The following B3GAT2 variants were observed in gnomAD, a reference collection of about 807,000 sequenced individuals.
B3GAT2 encodes galactosylgalactosylxylosylprotein 3-beta-glucuronosyltransferase 2.
B3GAT2 carries 26 observed loss-of-function variants against 27.8 expected under a neutral mutation model. That is an observed-to-expected ratio of 0.93 (90% confidence interval 0.68 to 1.30). The LOEUF is 1.30. B3GAT2 is among the 50% of genes most tolerant of loss of function. The pLI, the probability that B3GAT2 is intolerant of heterozygous loss-of-function variation, is 0.00. For missense variants in B3GAT2, 458 were observed against 459.0 expected, an observed-to-expected ratio of 1.00 and a Z score of 0.02; for synonymous variants, 218 against 195.1, an observed-to-expected ratio of 1.12 and a Z score of -0.98.
chr6:70,911,970 T>C (rs1333736813), intron 1 of B3GAT2, among the ~76,000 whole-genome samples: 1 of 152,222 alleles, frequency 6.6e-6, no homozygotes, highest in Non-Finnish European at 1.5e-5. Flanking sequence ...TGTAAAGGAA[T>C]GCAACTTATT....
At chr6:70,919,406 A>G (rs997394870) in intron 1 of B3GAT2, among the ~76,000 whole-genome samples, 2 of 152,162 alleles carry the variant, frequency 1.3e-5, no homozygotes, top group African/African-American at 4.8e-5. Context: ...ACTTCTGTCA[A>G]CTCATCAAAT....
At position 70,920,224 on chromosome 6, in the gene B3GAT2, C is replaced by T. The variant is rs556377746; in HGVS notation, c.592-25952G>A. Among the ~76,000 whole-genome samples the T allele has an allele frequency of 3.3e-5, 5 of 152,348 alleles. No homozygotes were observed. In the South Asian group the frequency reaches 1.0e-3, roughly 32 times the overall value. On this transcript the variant is annotated intron_variant, in intron 1 of 3. Coordinates refer to ENST00000230053, the MANE Select transcript of B3GAT2 (RefSeq NM_080742.3). ...CAAGGCACCATGAGCGTGGGACCCA[C>T]CGAGCAGGCATGGGAGGGAATCTTC...
At chr6:70,887,941 C>T (rs1039186589) in intron 2 of B3GAT2, among the ~76,000 whole-genome samples, 36 of 152,242 alleles carry the variant, frequency 2.4e-4, no homozygotes, top group African/African-American at 8.7e-4. Context: ...CAGGGGTGGG[C>T]CGGGCAGGGC....
At chr6:70,942,644 A>G (rs1180061452) in intron 1 of B3GAT2, among the ~76,000 whole-genome samples, 2 of 152,166 alleles carry the variant, frequency 1.3e-5, no homozygotes, top group South Asian at 2.1e-4. Context: ...TCAATCTGGG[A>G]GGGCTGAGAT....
chr6:70,888,868 C>T (rs9446305), intron 2 of B3GAT2, among the ~76,000 whole-genome samples: 31,153 of 152,188 alleles, frequency 0.2, 3,386 homozygotes, highest in East Asian at 0.31. Context: ...GATGTCACCT[C>T]TTCCCAAGAC....
chr6:70,868,433 T>G (rs1311536878), intron 2 of B3GAT2, among the ~76,000 whole-genome samples: 7 of 152,198 alleles, frequency 4.6e-5, no homozygotes, highest in African/African-American at 1.2e-4. Flanking sequence ...TCTTCTATTG[T>G]GTAAGTATCA....
rs540239963 is a variant in B3GAT2, at chr6:70,938,102, AC to A, written c.591+17736del. On this transcript the variant is annotated intron_variant, in intron 1 of 3. Transcript: ENST00000230053. ...ACAAAAATCACAAGCATTCTTATACACCAATAACAGACAAACAGAGAGCCAA... is the reference window on the plus strand; with the variant it reads ...ACAAAAATCACAAGCATTCTTATACACAATAACAGACAAACAGAGAGCCAA... 2.0e-3 allele frequency among the ~76,000 whole-genome samples: 301 copies of A among 151,100 alleles called. 1 individual carries two copies. Among genetic ancestry groups the A allele is most frequent in the Admixed American group, 3.0e-3 (45 of 15,038 alleles).
At position 70,861,033 on chromosome 6, in the gene B3GAT2, T is replaced by C. The variant is rs1771700306; in HGVS notation, c.*630A>G. On this transcript the variant is annotated 3_prime_UTR_variant, in exon 4 of 4. Coordinates refer to ENST00000230053, the MANE Select transcript of B3GAT2 (RefSeq NM_080742.3). The stretch of plus-strand genomic sequence containing the variant: ...CTGCACTATATGCAAACAGGGTAAC[T>C]AACTAAAACAAAGCCACTTTCAATC... The C allele has an allele frequency of 4.0e-6, 1 of 249,872 alleles. No homozygotes were observed. Among genetic ancestry groups the C allele is most frequent in the African/African-American group, 2.2e-5 (1 of 45,322 alleles). 15.5% of individuals were successfully genotyped at this position (249,872 alleles called of 1,614,324 possible).
rs1771472838 is a variant in B3GAT2, at chr6:70,857,380, T to A, written c.*4283A>T. 5.6e-6 allele frequency: 1 copy of A among 178,784 alleles called. No homozygotes were observed. The highest frequency in any genetic ancestry group is 5.8e-5 in the Admixed American group (1 of 17,324). 11.1% of individuals were successfully genotyped at this position (178,784 alleles called of 1,614,324 possible). ...TTCTCTGCAGGTAAACAGTCTTGAG[T>A]TACCACATGGATTAAAAAAAATCTA... On this transcript the variant is annotated 3_prime_UTR_variant, in exon 4 of 4. Transcript: ENST00000230053.
At chr6:70,926,525 G>A (rs979994673) in intron 1 of B3GAT2, among the ~76,000 whole-genome samples, 3 of 152,120 alleles carry the variant, frequency 2.0e-5, no homozygotes, top group East Asian at 1.9e-4. Context: ...AATACGTGAC[G>A]AATGCACAAG....
chr6:70,938,884 C>A (rs1012762242), intron 1 of B3GAT2, among the ~76,000 whole-genome samples: 3 of 151,590 alleles, frequency 2.0e-5, no homozygotes, highest in South Asian at 4.2e-4. Flanking sequence ...GCAACAAAAG[C>A]CAAAATTGAC....
At chr6:70,932,956 C>A (rs936948882) in intron 1 of B3GAT2, among the ~76,000 whole-genome samples, 1 of 152,086 alleles carries the variant, frequency 6.6e-6, no homozygotes, top group African/African-American at 2.4e-5. Flanking sequence ...CACATGCCAC[C>A]ACTCACAACT....
At position 70,858,631 on chromosome 6, in the gene B3GAT2, CTAA is replaced by C; in HGVS notation, c.*3029_*3031del. The C allele has an allele frequency of 6.4e-6, 1 of 156,774 alleles. No individual in the cohort carries two copies. Among genetic ancestry groups the C allele is most frequent in the Non-Finnish European group, 1.4e-5 (1 of 71,256 alleles). The allele number at this position is 156,774 out of a possible 1,614,324, so 9.7% of individuals were successfully genotyped here. On this transcript the variant is annotated 3_prime_UTR_variant, in exon 4 of 4. Transcript: ENST00000230053. Reference sequence around the variant, plus strand: ...AGTCCACTTAGACAACTTAGCTTCACTAATAATTTTAGGATCTTTTATTAGAAA... The same window carrying C: ...AGTCCACTTAGACAACTTAGCTTCACTAATTTTAGGATCTTTTATTAGAAA...
chr6:70,944,907 C>T (rs577966206), intron 1 of B3GAT2, among the ~76,000 whole-genome samples: 9 of 152,268 alleles, frequency 5.9e-5, no homozygotes, highest in South Asian at 4.2e-4. Flanking sequence ...GCAGCATTCG[C>T]GGTTCACGAA....
intron 1 of B3GAT2, among the ~76,000 whole-genome samples, chr6:70,912,448 T>C (rs1772703131): frequency 1.3e-5 from 2 of 152,308 alleles, no homozygotes; most frequent in East Asian, 1.9e-4. Context: ...TTGTATATGG[T>C]GAACCAATCT....
At chr6:70,873,243 T>A (rs1254714072) in intron 2 of B3GAT2, among the ~76,000 whole-genome samples, 1 of 148,792 alleles carries the variant, frequency 6.7e-6, no homozygotes, top group African/African-American at 2.5e-5. Flanking sequence ...AGGGCACATG[T>A]GCTAGCAATG....
chr6:70,863,960 G>T (rs1771808159), intron 2 of B3GAT2, among the ~76,000 whole-genome samples: 1 of 151,850 alleles, frequency 6.6e-6, no homozygotes, highest in Non-Finnish European at 1.5e-5. Flanking sequence ...AAAGCCAGAG[G>T]TTCAAATTGA....
At chr6:70,900,731 T>A (rs1313441535) in intron 1 of B3GAT2, among the ~76,000 whole-genome samples, 1 of 152,202 alleles carries the variant, frequency 6.6e-6, no homozygotes, top group African/African-American at 2.4e-5. Flanking sequence ...CAGGCAATCA[T>A]CAGAATGCCC....
chr6:70,939,741 T>C (rs1377990247), intron 1 of B3GAT2, among the ~76,000 whole-genome samples: 2 of 149,316 alleles, frequency 1.3e-5, no homozygotes, highest in African/African-American at 5.0e-5. Flanking sequence ...CTGGGGACTG[T>C]TGTGGGGTGG....
Sources: allele counts gnomAD v4.1 joint callset (sites outside exome capture counted in the v4.1 genomes callset), GRCh38; gene constraint gnomAD v4.1.1; transcripts MANE v1.5; gene names NCBI Gene and HGNC (gene_info 2026-07-23, HGNC 2026-07-21).